EBF3: variants seen among roughly 807,000 people sequenced by gnomAD.
The protein encoded by EBF3 is transcription factor COE3.
A neutral mutation model predicts 77.1 loss-of-function variants in EBF3; 18 were observed. The ratio of observed to expected loss-of-function variants is 0.23; its 90% CI spans 0.16 to 0.35. The LOEUF is 0.35. Among genes scored for constraint, EBF3 ranks in the 10% least tolerant of loss-of-function variants. The pLI, the probability that EBF3 is intolerant of heterozygous loss-of-function variation, is 1.00. For missense variants in EBF3, 558 were observed against 860.0 expected (o/e 0.65, Z 4.39); for synonymous variants, 350 against 343.5 (o/e 1.02, Z -0.21).
At position 129,879,815 on chromosome 10, in the gene EBF3, G is replaced by T. The variant is rs979399268; in HGVS notation, c.555-1966C>A. ...ACTGCATTTGAACTGCATCAGAAAGGGCCTAACAAGGTGAGGGCGCCACCA... is the reference window on the plus strand; with the variant it reads ...ACTGCATTTGAACTGCATCAGAAAGTGCCTAACAAGGTGAGGGCGCCACCA... On this transcript the variant is annotated intron_variant, in intron 6 of 16. Transcript: ENST00000440978. The surrounding 1 kb of genome is among the most constrained non-coding windows in gnomAD (Gnocchi z 4.7). 6.6e-6 allele frequency among the ~76,000 whole-genome samples: 1 copy of T among 152,268 alleles called. No individual in the cohort carries two copies. Among genetic ancestry groups the T allele is most frequent in the East Asian group, 1.9e-4 (1 of 5,184 alleles).
At chr10:129,915,771 T>A (rs1855847086) in intron 6 of EBF3, among the ~76,000 whole-genome samples, 1 of 152,180 alleles carries the variant, frequency 6.6e-6, no homozygotes, top group South Asian at 2.1e-4. Context: ...TTGTGCTTTT[T>A]CCGTTTTGTC....
intron 6 of EBF3, among the ~76,000 whole-genome samples, chr10:129,941,714 C>A (rs866767343): frequency 2.0e-5 from 3 of 152,366 alleles, no homozygotes; most frequent in Middle Eastern, 3.4e-3. Flanking sequence ...AGGGGCAAGG[C>A]AGAGGCAGGA....
intron 7 of EBF3, among the ~76,000 whole-genome samples, chr10:129,876,434 G>A (rs772199959): frequency 6.6e-6 from 1 of 152,230 alleles, no homozygotes; most frequent in Non-Finnish European, 1.5e-5. Context: ...GTGAAGCCTA[G>A]TGCGTGACAA....
intron 6 of EBF3, among the ~76,000 whole-genome samples, chr10:129,925,295 C>T (rs1187417158): frequency 5.3e-5 from 8 of 151,694 alleles, no homozygotes; most frequent in African/African-American, 1.7e-4. Flanking sequence ...GGCTTCAAGG[C>T]GTGGCTGGGA....
chr10:129,840,898 C>T lies in EBF3; in HGVS notation c.1507G>A (p.Val503Ile). ...YGSGAMASLG[V>I]PGSPGFLNGS... ...TTAAGAAATCCAGGCGAGCCAGGGACCCCTAGACTGGCCATGGCGCCACTT... is the reference window on the plus strand; with the variant it reads ...TTAAGAAATCCAGGCGAGCCAGGGATCCCTAGACTGGCCATGGCGCCACTT... The change falls in exon 14 of 17, where the codon GTC becomes ATC. Residue 503 changes from valine (V) to isoleucine (I), a missense_variant. Val to Ile is a conservative substitution (Grantham distance 29, BLOSUM62 3). Coordinates refer to ENST00000440978, the MANE Select transcript of EBF3 (RefSeq NM_001375380.1). The T allele has an allele frequency of 6.2e-7, 1 of 1,614,136 alleles. No individual in the cohort carries two copies. The highest frequency in any genetic ancestry group is 8.5e-7 in the Non-Finnish European group (1 of 1,180,026).
At chr10:129,844,715 C>G (rs1850333901) in intron 11 of EBF3, among the ~76,000 whole-genome samples, 1 of 152,036 alleles carries the variant, frequency 6.6e-6, no homozygotes, top group Non-Finnish European at 1.5e-5. Flanking sequence ...GGGCATTTAC[C>G]TCTGAAATTG....
At chr10:129,957,378 C>A (rs376839458) in intron 5 of EBF3, 52 bp from the exon 6 acceptor site, 2 of 1,463,874 alleles carry the variant, frequency 1.4e-6, no homozygotes, top group African/African-American at 1.5e-5. Flanking sequence ...CCCTTTTATG[C>A]CCGACTTGTA....
intron 5 of EBF3, 34 bp from the exon 6 acceptor site, chr10:129,957,360 G>GC (rs1859116008): frequency 6.5e-7 from 1 of 1,537,222 alleles, no homozygotes; most frequent in East Asian, 2.3e-5. Context: ...GTTTTAATAT[G>GC]CATTTCCCCC....
Position 129,896,447 on chromosome 10 carries a change from C to T in EBF3, c.555-18598G>A, listed in dbSNP as rs866816150. Among the ~76,000 whole-genome samples, 12 of 152,350 alleles carry T rather than the reference C, an allele frequency of 7.9e-5. No individual in the cohort carries two copies. In the South Asian group the frequency reaches 1.4e-3, roughly 18 times the overall value. On this transcript the variant is annotated intron_variant, in intron 6 of 16. Coordinates refer to ENST00000440978, the MANE Select transcript of EBF3 (RefSeq NM_001375380.1). ...ACGCGGCCACCGTCAGCCACCCTGG[C>T]CTGGCGTCGCCCGCCATTCCTGGCC...
chr10:129,941,807 G>T (rs902895129), intron 6 of EBF3, among the ~76,000 whole-genome samples: 5 of 152,214 alleles, frequency 3.3e-5, no homozygotes, highest in Non-Finnish European at 7.3e-5. Context: ...CCAGGCCTGG[G>T]TGGAGCTACC....
chr10:129,888,290 C>A (rs1853760088), intron 6 of EBF3, among the ~76,000 whole-genome samples: 1 of 152,208 alleles, frequency 6.6e-6, no homozygotes, highest in African/African-American at 2.4e-5. Context: ...GTGGCTTTTG[C>A]GTCCTTAGAT....
At chr10:129,941,606 A>AC (rs1176777121) in intron 6 of EBF3, among the ~76,000 whole-genome samples, 1 of 152,130 alleles carries the variant, frequency 6.6e-6, no homozygotes, top group Non-Finnish European at 1.5e-5. Context: ...AGCGCTGGGC[A>AC]CTCTGGCGGC....
chr10:129,922,545 C>A (rs1856382516), intron 6 of EBF3, among the ~76,000 whole-genome samples: 1 of 152,258 alleles, frequency 6.6e-6, no homozygotes, highest in African/African-American at 2.4e-5. Context: ...GTAAACATTT[C>A]ATGGGGTGAA....
At chr10:129,937,249 G>A (rs548014703) in intron 6 of EBF3, among the ~76,000 whole-genome samples, 19 of 152,236 alleles carry the variant, frequency 1.2e-4, no homozygotes, top group Non-Finnish European at 2.1e-4. Context: ...GTTCCGGGGC[G>A]CACAGAGACC....
rs762362417 is a variant in EBF3 at position 129,896,799 on chromosome 10, C to T, written c.555-18950G>A. On this transcript the variant is annotated intron_variant, in intron 6 of 16. Transcript: ENST00000440978. ...AGCTCCAACTCCTGAGAGCTGGTGA[C>T]ACGCCCAGCCCGTAGCCACCTTTCG... Among the ~76,000 whole-genome samples the T allele has an allele frequency of 4.1e-4, 63 of 152,246 alleles. 1 individual carries two copies. The highest frequency in any genetic ancestry group is 8.3e-4 in the South Asian group (4 of 4,836).
In EBF3 at chr10:129,938,050, C is replaced by T. The variant is rs889469529; in HGVS notation, c.554+19208G>A. ...TTTTCTGGCATGTTCATTGACATCA[C>T]ATACACAATCATACTCCACAACCAC... On this transcript the variant is annotated intron_variant, in intron 6 of 16. Transcript: ENST00000440978. The surrounding 1 kb of genome is among the most constrained non-coding windows in gnomAD (Gnocchi z 5.1). Among the ~76,000 whole-genome samples the T allele has an allele frequency of 2.6e-5, 4 of 152,182 alleles. No individual in the cohort carries two copies. The highest frequency in any genetic ancestry group is 5.9e-5 in the Non-Finnish European group (4 of 68,038).
intron 11 of EBF3, among the ~76,000 whole-genome samples, chr10:129,846,681 G>A (rs371272752): frequency 3.3e-5 from 5 of 152,066 alleles, no homozygotes; most frequent in African/African-American, 1.2e-4. Flanking sequence ...TTTACATGCC[G>A]CTGAACTCCA....
intron 6 of EBF3, among the ~76,000 whole-genome samples, chr10:129,933,197 C>CACACACGT (rs761909713): frequency 2.0e-5 from 3 of 152,206 alleles, no homozygotes; most frequent in Non-Finnish European, 4.4e-5. Flanking sequence ...AGCACACACG[C>CACACACGT]ACACACGTGC....
At chr10:129,960,298 C>T (rs1317299935) in intron 4 of EBF3, among the ~76,000 whole-genome samples, 1 of 152,148 alleles carries the variant, frequency 6.6e-6, no homozygotes, top group African/African-American at 2.4e-5. Flanking sequence ...CCTCTACTTC[C>T]AGGCGGACAA....
Sources: gnomAD v4.1 joint callset for allele counts (sites outside exome capture counted in the v4.1 genomes callset) on GRCh38, gnomAD v4.1.1 for gene constraint, Gnocchi (gnomAD v3.1) non-coding constraint, MANE v1.5 for transcripts, NCBI Gene and HGNC (gene_info 2026-07-23, HGNC 2026-07-21) for gene names.